Variants in MECOM observed in about 807,000 individuals in gnomAD.
MECOM encodes the protein MDS1 and EVI1 complex locus.
In MECOM, 13 loss-of-function variants were observed where a neutral mutation model predicts 116.3. The observed-to-expected ratio is 0.11, with a 90% CI of 0.07 to 0.18. MECOM has a LOEUF of 0.18. Ranked by LOEUF, MECOM falls within the 10% of genes least tolerant of loss-of-function variation. The probability of loss-of-function intolerance (pLI) is 1.00; values close to 1 mark genes in which losing one functional copy is unlikely to be tolerated. For synonymous variants in MECOM, 528 were observed against 535.2 expected (o/e 0.99, Z 0.19); for missense variants, 1,299 against 1,509.0 (o/e 0.86, Z 2.31).
At chr3:169,548,333 A>G (rs1239304214) in intron 1 of MECOM, among the ~76,000 whole-genome samples, 2 of 152,238 alleles carry the variant, frequency 1.3e-5, no homozygotes, top group African/African-American at 4.8e-5. Context: ...AAGTAGACAC[A>G]GCCAGATGGT....
chr3:169,355,408 A>G (rs1422112669), intron 2 of MECOM, among the ~76,000 whole-genome samples: 1 of 151,950 alleles, frequency 6.6e-6, no homozygotes, highest in Non-Finnish European at 1.5e-5. Context: ...GTGAATGTAT[A>G]AACAGAGGTT....
At chr3:169,203,054 T>A (rs1395093506) in intron 2 of MECOM, among the ~76,000 whole-genome samples, 2 of 152,124 alleles carry the variant, frequency 1.3e-5, no homozygotes, top group African/African-American at 4.8e-5. Context: ...TTTCTCACCT[T>A]TGGACTATTT....
At position 169,482,058 on chromosome 3, in the gene MECOM, T is replaced by G. The variant is rs1751368911; in HGVS notation, c.38-100534A>C. Among the ~76,000 whole-genome samples the G allele has an allele frequency of 2.0e-5, 3 of 152,266 alleles. No homozygotes were observed. In the South Asian group the frequency reaches 6.2e-4, roughly 32 times the overall value. ...ATCTCTCTCCTTAAAAATTCAACTC[T>G]AACACTTCATGCATAGATATCAAGT... is the stretch of plus-strand genomic sequence containing the variant. On this transcript the variant is annotated intron_variant, in intron 1 of 16. Transcript: ENST00000651503.
chr3:169,147,773 A>G, intron 2 of MECOM: 1 of 941,900 alleles, frequency 1.1e-6, no homozygotes, highest in Non-Finnish European at 1.3e-6. Context: ...TGTGAGAGAG[A>G]GAGAGATGGG....
At chr3:169,460,907 TG>T (rs1747333368) in intron 1 of MECOM, among the ~76,000 whole-genome samples, 2 of 152,148 alleles carry the variant, frequency 1.3e-5, no homozygotes, top group African/African-American at 2.4e-5. Flanking sequence ...CCAAGATATA[TG>T]GGAGATCATG....
At chr3:169,136,410 T>A (rs1430143810) in intron 3 of MECOM, among the ~76,000 whole-genome samples, 2 of 151,128 alleles carry the variant, frequency 1.3e-5, no homozygotes, top group African/African-American at 4.8e-5. Flanking sequence ...ACAAGTTATA[T>A]GTAATTATAT....
At chr3:169,570,251 A>G (rs550170108) in intron 1 of MECOM, among the ~76,000 whole-genome samples, 1 of 152,342 alleles carries the variant, frequency 6.6e-6, no homozygotes, top group East Asian at 1.9e-4. Context: ...GAAATGGATG[A>G]ATTCCTGGAC....
chr3:169,381,868 A>T (rs895485577), intron 1 of MECOM, among the ~76,000 whole-genome samples: 4 of 152,198 alleles, frequency 2.6e-5, no homozygotes, highest in Admixed American at 2.6e-4. Context: ...TGTAACTACA[A>T]CCCCCAAACA....
At chr3:169,231,329 G>T (rs967711081) in intron 2 of MECOM, among the ~76,000 whole-genome samples, 1 of 152,046 alleles carries the variant, frequency 6.6e-6, no homozygotes, top group Non-Finnish European at 1.5e-5. Flanking sequence ...GCTAAATACT[G>T]GGGATAAGGA....
intron 1 of MECOM, among the ~76,000 whole-genome samples, chr3:169,421,984 T>C (rs982695329): frequency 1.3e-5 from 2 of 152,166 alleles, no homozygotes; most frequent in African/African-American, 4.8e-5. Flanking sequence ...CTGGACAATC[T>C]TAAGAGAAAC....
At chr3:169,587,572 G>A (rs561306222) in intron 1 of MECOM, among the ~76,000 whole-genome samples, 2 of 152,132 alleles carry the variant, frequency 1.3e-5, no homozygotes, top group East Asian at 3.9e-4. Context: ...AGAAAAAAAA[G>A]GGAGGGGAGA....
intron 2 of MECOM, among the ~76,000 whole-genome samples, chr3:169,369,857 T>C (rs945397551): frequency 6.6e-6 from 1 of 152,090 alleles, no homozygotes; most frequent in Non-Finnish European, 1.5e-5. Flanking sequence ...CTTTGTAATG[T>C]AGGCTTTTAT....
chr3:169,423,783 A>G (rs1404279847), intron 1 of MECOM, among the ~76,000 whole-genome samples: 1 of 152,150 alleles, frequency 6.6e-6, no homozygotes, highest in Admixed American at 6.6e-5. Flanking sequence ...CCAAGCAAAG[A>G]CAAAGATTCA....
intron 1 of MECOM, among the ~76,000 whole-genome samples, chr3:169,444,306 T>C (rs958427064): frequency 1.3e-5 from 2 of 152,166 alleles, no homozygotes; most frequent in Non-Finnish European, 2.9e-5. Context: ...AACACTGATA[T>C]GGTTTGGCTG....
Position 169,265,463 on chromosome 3 carries a change from G to A in MECOM, c.375+115724C>T, listed in dbSNP as rs1431855971. Among the ~76,000 whole-genome samples the A allele has an allele frequency of 3.9e-5, 6 of 152,334 alleles. No individual in the cohort carries two copies. The East Asian group carries it at 1.2e-3, about 29-fold the overall frequency. The stretch of plus-strand genomic sequence containing the variant: ...GTACTGCGATTATTGTCTCTAATTT[G>A]TAGTTCTAAATATCCATTTTTAAAA... On this transcript the variant is annotated intron_variant, in intron 2 of 16. Coordinates refer to ENST00000651503, the MANE Select transcript of MECOM (RefSeq NM_004991.4).
chr3:169,476,238 C>G (rs1450279968), intron 1 of MECOM, among the ~76,000 whole-genome samples: 1 of 152,278 alleles, frequency 6.6e-6, no homozygotes, highest in African/African-American at 2.4e-5. Context: ...ATTTTGATGT[C>G]TTCATAATGT....
intron 2 of MECOM, among the ~76,000 whole-genome samples, chr3:169,300,235 T>C (rs1437305733): frequency 2.6e-5 from 4 of 152,200 alleles, no homozygotes; most frequent in Non-Finnish European, 5.9e-5. Flanking sequence ...TTGACTCTGT[T>C]AATAAAGAGA....
chr3:169,612,444 G>A (rs1183366716), intron 1 of MECOM, among the ~76,000 whole-genome samples: 1 of 152,126 alleles, frequency 6.6e-6, no homozygotes, highest in African/African-American at 2.4e-5. Flanking sequence ...AAAGTGTAAT[G>A]CACTTTGCCA....
intron 2 of MECOM, among the ~76,000 whole-genome samples, chr3:169,191,602 C>G (rs1004112473): frequency 3.2e-5 from 4 of 125,276 alleles, no homozygotes; most frequent in Admixed American, 8.9e-5. Flanking sequence ...AAAGAAAGAA[C>G]GAAGGAAGGA....
Sources: gnomAD v4.1 joint callset for allele counts (sites outside exome capture counted in the v4.1 genomes callset) on GRCh38, gnomAD v4.1.1 for gene constraint, MANE v1.5 for transcripts, NCBI Gene and HGNC (gene_info 2026-07-23, HGNC 2026-07-21) for gene names.